Variants in PGPEP1L observed in about 807,000 individuals in gnomAD.
PGPEP1L encodes pyroglutamyl-peptidase I like.
A neutral mutation model predicts 6.0 loss-of-function variants in PGPEP1L; 7 were observed. That is an observed-to-expected ratio of 1.17 (90% CI 0.66 to 2.19). The LOEUF (loss-of-function observed/expected upper bound fraction) is 2.19, where lower values mean the gene tolerates loss of function less well. PGPEP1L is among the 30% of genes most tolerant of loss of function. PGPEP1L has a pLI of 0.00. For missense variants in PGPEP1L, 209 were observed against 192.5 expected (o/e 1.09, Z -0.51); for synonymous variants, 103 against 83.9 (o/e 1.23, Z -1.24).
At chr15:98,990,186 C>A (rs2017800280) in intron 2 of PGPEP1L, among the ~76,000 whole-genome samples, 1 of 151,864 alleles carries the variant, frequency 6.6e-6, no homozygotes, top group South Asian at 2.1e-4. Flanking sequence ...CACAGACTGG[C>A]AAATTGGATA....
chr15:98,973,067 A>G (rs1367169778), intron 2 of PGPEP1L, among the ~76,000 whole-genome samples: 3 of 152,164 alleles, frequency 2.0e-5, no homozygotes, highest in Non-Finnish European at 4.4e-5. Flanking sequence ...CTATACTTAT[A>G]TCAGATAAAA....
intron 2 of PGPEP1L, among the ~76,000 whole-genome samples, chr15:98,978,413 G>A (rs1356458018): frequency 6.6e-6 from 1 of 152,148 alleles, no homozygotes; most frequent in Non-Finnish European, 1.5e-5. Flanking sequence ...ACAGCCTGCA[G>A]GCCCAGGCAG....
In PGPEP1L at chr15:98,986,164, G is replaced by T. The variant is rs367715635; in HGVS notation, c.-141-15006C>A. 2.0e-5 allele frequency among the ~76,000 whole-genome samples: 3 copies of T among 152,258 alleles called. No homozygotes were observed. In the East Asian group the frequency reaches 5.8e-4, roughly 29 times the overall value. On this transcript the variant is annotated intron_variant, in intron 2 of 4. Transcript: ENST00000535714. Reference sequence around the variant, plus strand: ...ACTTAGCCTGTGTCCCTAGTTCCAGGCACAGAGCTTCAAAAACCCTTAGAA... The same window carrying T: ...ACTTAGCCTGTGTCCCTAGTTCCAGTCACAGAGCTTCAAAAACCCTTAGAA...
chr15:98,993,749 C>A lies in PGPEP1L; in HGVS notation c.-142+11680G>T, dbSNP rs1265476571. On this transcript the variant is annotated intron_variant, in intron 2 of 4. Transcript: ENST00000535714. ...ATGATGGGTTGATGGGTGCAGCAAA[C>A]CACCATGGCACGTGTATACCTATGT... Among the ~76,000 whole-genome samples the A allele has an allele frequency of 5.9e-5, 9 of 151,964 alleles. No homozygotes were observed. The South Asian group carries it at 8.3e-4, about 14-fold the overall frequency.
At chr15:98,996,524 ATG>A (rs58220323) in intron 2 of PGPEP1L, among the ~76,000 whole-genome samples, 1,564 of 151,672 alleles carry the variant, frequency 0.01, 28 homozygotes, top group African/African-American at 0.035. Flanking sequence ...ATATAGGGGT[ATG>A]TGTGTGTGTG....
In PGPEP1L at chr15:98,975,710, G is replaced by A. The variant is rs139444776; in HGVS notation, c.-141-4552C>T. On this transcript the variant is annotated intron_variant, in intron 2 of 4. Coordinates refer to ENST00000535714, the MANE Select transcript of PGPEP1L (RefSeq NM_001167902.2). ...AGCCTGGCCAACGTGGTGAAACTCC[G>A]TCTCTACTGAAAATACAAAAATTAG... is the stretch of plus-strand genomic sequence containing the variant. Among the ~76,000 whole-genome samples, 505 of 152,152 alleles carry A rather than the reference G, an allele frequency of 3.3e-3. 2 individuals carry two copies. The highest frequency in any genetic ancestry group is 5.3e-3 in the Non-Finnish European group (362 of 67,992).
chr15:98,997,716 C>A (rs2017907557), intron 2 of PGPEP1L, among the ~76,000 whole-genome samples: 1 of 152,176 alleles, frequency 6.6e-6, no homozygotes, highest in African/African-American at 2.4e-5. Context: ...CAGAACAACC[C>A]TGCAACATCT....
chr15:98,981,467 G>A (rs2017659796), intron 2 of PGPEP1L, among the ~76,000 whole-genome samples: 2 of 142,426 alleles, frequency 1.4e-5, no homozygotes, highest in African/African-American at 2.6e-5. Context: ...TCCAGCCTGG[G>A]CAACAGAGCA....
chr15:98,970,990 T>A (rs2017484767), intron 3 of PGPEP1L, 46 bp downstream of exon 3: 7 of 1,608,830 alleles, frequency 4.4e-6, no homozygotes, highest in Non-Finnish European at 5.9e-6. Flanking sequence ...AGGCTCCAGC[T>A]CCACATCGCC....
intron 1 of PGPEP1L, among the ~76,000 whole-genome samples, chr15:99,006,691 C>T (rs1427741541): frequency 6.6e-6 from 1 of 152,140 alleles, no homozygotes; most frequent in Non-Finnish European, 1.5e-5. Flanking sequence ...GGTATATGCC[C>T]ATAGTCCTGG....
Position 98,981,577 on chromosome 15 carries a change from C to T in PGPEP1L, c.-141-10419G>A, listed in dbSNP as rs558231042. Among the ~76,000 whole-genome samples, 11 of 151,778 alleles carry T rather than the reference C, an allele frequency of 7.2e-5. No homozygotes were observed. The South Asian group carries it at 2.1e-3, about 29-fold the overall frequency. On this transcript the variant is annotated intron_variant, in intron 2 of 4. Transcript: ENST00000535714. ...AATGGCCACAGCCAAGACAAGCCTA[C>T]GGAGACTCGAGGACTTATGAATGTG... is the stretch of plus-strand genomic sequence containing the variant.
chr15:99,006,382 A>G (rs1187383847), intron 1 of PGPEP1L, among the ~76,000 whole-genome samples: 1 of 152,230 alleles, frequency 6.6e-6, no homozygotes, highest in East Asian at 1.9e-4. Flanking sequence ...ACTGACAGTG[A>G]GCCACAGCCG....
At position 98,968,813 on chromosome 15, in the gene PGPEP1L, A is replaced by G. The variant is rs115432223; in HGVS notation, c.210-116T>C. On this transcript the variant is annotated intron_variant, in intron 4 of 4. Transcript: ENST00000535714. ...GCCTGAGGAGGGAGCACTGCCACCC[A>G]AGGGAGACTTGTGTTGTTTCACCTC... The G allele has an allele frequency of 7.8e-5, 71 of 905,460 alleles. No individual in the cohort carries two copies. The African/African-American group carries it at 1.1e-3, about 14-fold the overall frequency. 56.1% of individuals were successfully genotyped at this position (905,460 alleles called of 1,614,324 possible).
Position 98,990,920 on chromosome 15 carries a change from A to T in PGPEP1L, c.-142+14509T>A, listed in dbSNP as rs2017809910. 4.6e-5 allele frequency among the ~76,000 whole-genome samples: 7 copies of T among 152,336 alleles called. No homozygotes were observed. The South Asian group carries it at 1.4e-3, about 32-fold the overall frequency. ...AAGATGTTCTTTGAAACCAATGAGA[A>T]CAAAGATACAACGTACCAGAATCTC... On this transcript the variant is annotated intron_variant, in intron 2 of 4. Coordinates refer to ENST00000535714, the MANE Select transcript of PGPEP1L (RefSeq NM_001167902.2).
Position 99,005,196 on chromosome 15 carries a change from C to T in PGPEP1L, c.-142+233G>A, listed in dbSNP as rs138083180. The stretch of plus-strand genomic sequence containing the variant: ...CAGTGGCACCTTCGTGCCCGCCACT[C>T]GAGAGTTACTTGAAGCGAATGAGCC... On this transcript the variant is annotated intron_variant, in intron 2 of 4. Transcript: ENST00000535714. 2.5e-3 allele frequency among the ~76,000 whole-genome samples: 384 copies of T among 152,292 alleles called. 1 individual carries two copies. The highest frequency in any genetic ancestry group is 8.5e-3 in the African/African-American group (354 of 41,566).
intron 2 of PGPEP1L, among the ~76,000 whole-genome samples, chr15:98,975,278 C>T (rs1190230513): frequency 6.6e-6 from 1 of 152,106 alleles, no homozygotes; most frequent in Non-Finnish European, 1.5e-5. Flanking sequence ...AAGTTGATGT[C>T]ATGGAGGTAG....
intron 1 of PGPEP1L, among the ~76,000 whole-genome samples, chr15:99,006,930 G>GC (rs2018077478): frequency 6.6e-6 from 1 of 152,200 alleles, no homozygotes; most frequent in African/African-American, 2.4e-5. Context: ...AGGGAAGCAG[G>GC]CAGAGCCTCT....
intron 2 of PGPEP1L, among the ~76,000 whole-genome samples, chr15:98,986,424 A>G (rs1443900697): frequency 6.6e-6 from 1 of 152,246 alleles, no homozygotes; most frequent in Non-Finnish European, 1.5e-5. Context: ...AACTCTGGAT[A>G]CCAAAGCTAA....
chr15:99,006,377 CAGTG>C (rs1456370302), intron 1 of PGPEP1L, among the ~76,000 whole-genome samples: 11 of 152,264 alleles, frequency 7.2e-5, no homozygotes, highest in African/African-American at 1.7e-4. Context: ...ATGCCACTGA[CAGTG>C]AGCCACAGCC....
Sources: allele counts gnomAD v4.1 joint callset (sites outside exome capture counted in the v4.1 genomes callset), GRCh38; gene constraint gnomAD v4.1.1; transcripts MANE v1.5; gene names NCBI Gene and HGNC (gene_info 2026-07-23, HGNC 2026-07-21).